PCDH15: variants seen among roughly 807,000 people sequenced by gnomAD.
PCDH15 encodes the protein protocadherin-15.
Under a neutral mutation model 178.5 loss-of-function variants are expected in PCDH15, and 129 were observed. The ratio of observed to expected loss-of-function variants is 0.72; its 90% CI spans 0.63 to 0.84. The LOEUF is 0.84. Ranked by LOEUF, PCDH15 falls within the 40% of genes least tolerant of loss-of-function variation. PCDH15 has a pLI of 0.00. For missense variants in PCDH15, 2,230 were observed against 2,099.9 expected (o/e 1.06, Z -1.21); for synonymous variants, 800 against 732.0 (o/e 1.09, Z -1.50).
At chr10:54,581,605 C>A (rs74620113) in intron 2 of PCDH15, among the ~76,000 whole-genome samples, 17,151 of 151,870 alleles carry the variant, frequency 0.11, 1,071 homozygotes, top group Middle Eastern at 0.15. Context: ...CAAAAAATAG[C>A]CTGAATAGCT....
At chr10:54,345,963 T>C (rs138349643) in intron 6 of PCDH15, among the ~76,000 whole-genome samples, 162 of 152,226 alleles carry the variant, frequency 1.1e-3, no homozygotes, top group Non-Finnish European at 2.0e-3. Context: ...GTTTAAAGGC[T>C]TATCAACTCC....
chr10:55,006,661 A>C (rs1201514956), intron 2 of PCDH15, among the ~76,000 whole-genome samples: 1 of 152,178 alleles, frequency 6.6e-6, no homozygotes, highest in East Asian at 1.9e-4. Context: ...TGAGGGGCTG[A>C]ACCCTGCAAA....
chr10:54,878,321 G>GTGTT (rs1443366409), intron 3 of PCDH15, among the ~76,000 whole-genome samples: 11 of 152,150 alleles, frequency 7.2e-5, no homozygotes, highest in Admixed American at 1.3e-4. Context: ...TATTTACAAT[G>GTGTT]TGTTTACTAT....
chr10:55,379,964 C>T (rs1336977022), intron 2 of PCDH15, among the ~76,000 whole-genome samples: 1 of 151,870 alleles, frequency 6.6e-6, no homozygotes, highest in Non-Finnish European at 1.5e-5. Flanking sequence ...AAGAATAAAA[C>T]ACTGAAAATG....
At chr10:54,187,223 C>G (rs1014047152) in intron 11 of PCDH15, among the ~76,000 whole-genome samples, 2 of 151,952 alleles carry the variant, frequency 1.3e-5, no homozygotes, top group African/African-American at 2.4e-5. Flanking sequence ...TCATCATTCT[C>G]TACTTCCTTT....
chr10:54,652,067 G>T (rs2094275677), intron 2 of PCDH15, among the ~76,000 whole-genome samples: 1 of 151,836 alleles, frequency 6.6e-6, no homozygotes, highest in African/African-American at 2.4e-5. Context: ...AGACTAAGCT[G>T]TCCTAGGAAA....
At chr10:54,724,034 C>T (rs190639235) in intron 1 of PCDH15, among the ~76,000 whole-genome samples, 33 of 150,324 alleles carry the variant, frequency 2.2e-4, no homozygotes, top group African/African-American at 7.6e-4. Flanking sequence ...AATCTCATCC[C>T]TGAGTATCTA....
chr10:54,876,966 G>C (rs970225125), intron 3 of PCDH15, among the ~76,000 whole-genome samples: 1 of 152,082 alleles, frequency 6.6e-6, no homozygotes, highest in Non-Finnish European at 1.5e-5. Context: ...AATATTTTTT[G>C]AAAGGAAGAA....
At chr10:54,418,191 G>A (rs1183127011) in intron 3 of PCDH15, among the ~76,000 whole-genome samples, 4 of 111,956 alleles carry the variant, frequency 3.6e-5, no homozygotes, top group Admixed American at 1.6e-4. Context: ...ATTAAGACAG[G>A]GTGCACAGAG....
intron 2 of PCDH15, among the ~76,000 whole-genome samples, chr10:55,108,566 T>C (rs1837418120): frequency 6.6e-6 from 1 of 152,182 alleles, no homozygotes; most frequent in South Asian, 2.1e-4. Context: ...TGATTAGGTA[T>C]GATTTTTATT....
At chr10:54,102,114 T>C (rs2094824122) in intron 15 of PCDH15, among the ~76,000 whole-genome samples, 1 of 152,228 alleles carries the variant, frequency 6.6e-6, no homozygotes, top group Admixed American at 6.5e-5. Context: ...TTGTGAAAAC[T>C]GTTCTTAGTG....
intron 1 of PCDH15, among the ~76,000 whole-genome samples, chr10:55,290,716 T>C (rs1842986558): frequency 6.6e-6 from 1 of 152,122 alleles, no homozygotes; most frequent in East Asian, 1.9e-4. Flanking sequence ...TTTTGTTTCT[T>C]ATTTTTTAGG....
intron 3 of PCDH15, among the ~76,000 whole-genome samples, chr10:54,893,097 T>C (rs1954489630): frequency 6.6e-6 from 1 of 152,110 alleles, no homozygotes; most frequent in Non-Finnish European, 1.5e-5. Flanking sequence ...TATTAGACAC[T>C]GGGGTATATT....
intron 3 of PCDH15, among the ~76,000 whole-genome samples, chr10:54,814,308 C>A (rs1224775237): frequency 6.6e-6 from 1 of 152,108 alleles, no homozygotes; most frequent in African/African-American, 2.4e-5. Flanking sequence ...ATAATGGATA[C>A]ATACATGTTT....
intron 2 of PCDH15, among the ~76,000 whole-genome samples, chr10:55,402,796 G>A (rs1838103334): frequency 6.6e-6 from 1 of 151,884 alleles, no homozygotes; most frequent in Non-Finnish European, 1.5e-5. Context: ...GGGTGCAGGT[G>A]TCCCTTTGAT....
chr10:54,653,692 T>C (rs1289532404), intron 2 of PCDH15, among the ~76,000 whole-genome samples: 1 of 152,172 alleles, frequency 6.6e-6, no homozygotes, highest in Non-Finnish European at 1.5e-5. Flanking sequence ...TGCAAACGGA[T>C]ACACATCTTA....
At chr10:55,466,714 A>G (rs892829265) in intron 2 of PCDH15, among the ~76,000 whole-genome samples, 3 of 152,204 alleles carry the variant, frequency 2.0e-5, no homozygotes, top group Non-Finnish European at 2.9e-5. Context: ...CATGGAAGAT[A>G]CAGGAAGGAA....
At chr10:54,729,423 A>C (rs576807808) in intron 1 of PCDH15, among the ~76,000 whole-genome samples, 1 of 151,638 alleles carries the variant, frequency 6.6e-6, no homozygotes. Context: ...TGGATTTAAG[A>C]CTTAAATGAA....
chr10:54,921,623 C>A (rs1209349757), intron 2 of PCDH15, among the ~76,000 whole-genome samples: 2 of 152,082 alleles, frequency 1.3e-5, no homozygotes, highest in Non-Finnish European at 2.9e-5. Context: ...TAAAGATAAT[C>A]ACCTCTAGCT....
Sources: gnomAD v4.1 joint callset for allele counts (sites outside exome capture counted in the v4.1 genomes callset) on GRCh38, gnomAD v4.1.1 for gene constraint, MANE v1.5 for transcripts, NCBI Gene and HGNC (gene_info 2026-07-23, HGNC 2026-07-21) for gene names.